The following AGRN variants were observed in gnomAD, a reference collection of about 807,000 sequenced individuals.
The protein encoded by AGRN is agrin.
AGRN carries 106 observed loss-of-function variants against 211.0 expected under a neutral mutation model. The observed-to-expected ratio is 0.50, with a 90% CI of 0.43 to 0.59. AGRN has a LOEUF of 0.59. AGRN is among the 20% of genes least tolerant of loss of function. The probability of loss-of-function intolerance (pLI) is 0.00; values close to 1 mark genes in which losing one functional copy is unlikely to be tolerated. For missense variants in AGRN, 3,040 were observed against 2,982.6 expected (o/e 1.02, Z -0.45); for synonymous variants, 1,525 against 1,332.5 (o/e 1.14, Z -3.15).
Position 1,041,530 on chromosome 1 carries a change from G to C in AGRN, c.1005G>C (p.Pro335=). Residue 335 remains proline (P), a synonymous_variant, in exon 6 of 36, where the codon CCG becomes CCC. Transcript: ENST00000379370. ...PDPSRSCRVN[P]RTRRPEMLLR... The stretch of plus-strand genomic sequence containing the variant: ...CGAGCCGCAGCTGCCGTGTGAACCC[G>C]CGCACGCGGCGCCCTGAGATGCTCC... The C allele has an allele frequency of 6.2e-7, 1 of 1,604,160 alleles. No homozygotes were observed. The highest frequency in any genetic ancestry group is 1.1e-5 in the South Asian group (1 of 90,874).
intron 2 of AGRN, among the ~76,000 whole-genome samples, chr1:1,023,103 G>C (rs1041371297): frequency 2.6e-5 from 4 of 152,178 alleles, no homozygotes; most frequent in African/African-American, 9.7e-5. Flanking sequence ...AAATATAGGA[G>C]GTCCCTGTCG....
At chr1:1,047,070 C>T (rs1019900452) in intron 19 of AGRN, 113 bp downstream of exon 19, 14 of 1,494,714 alleles carry the variant, frequency 9.4e-6, no homozygotes, top group African/African-American at 1.4e-5. Context: ...TGGGACTCGG[C>T]CCCCTCAAAC....
intron 26 of AGRN, 45 bp downstream of exon 26, chr1:1,049,840 G>T: frequency 3.1e-6 from 5 of 1,610,912 alleles, no homozygotes; most frequent in Non-Finnish European, 4.2e-6. Context: ...CCCGGGGCCT[G>T]TGGGCGGTAC....
At chr1:1,050,159 A>C (rs1417641371) in intron 27 of AGRN, 74 bp from the exon 28 acceptor site, 2 of 1,596,930 alleles carry the variant, frequency 1.3e-6, no homozygotes, top group African/African-American at 2.7e-5. Flanking sequence ...TTGAGTTAGG[A>C]TCCACACACG....
chr1:1,042,192 G>A (rs1474762052), intron 7 of AGRN, 30 bp downstream of exon 7: 1 of 1,573,082 alleles, frequency 6.4e-7, no homozygotes, highest in East Asian at 2.3e-5. Flanking sequence ...GGCCAGGCGG[G>A]GTGGGCTGCT....
At position 1,046,543 on chromosome 1, in the gene AGRN, C is replaced by T; in HGVS notation, c.3058C>T (p.Pro1020Ser). ...STAHSQTTPP[P>S]SSRPRTTASV... ...CGCACACAGCCAGACCACCCCTCCGCCCTCATCACGACCTCGGACCACTGC... is the reference window on the plus strand; with the variant it reads ...CGCACACAGCCAGACCACCCCTCCGTCCTCATCACGACCTCGGACCACTGC... Residue 1020 changes from proline (P) to serine (S), a missense_variant, in exon 18 of 36, where the codon CCC (proline) becomes TCC (serine). Coordinates refer to ENST00000379370, the MANE Select transcript of AGRN (RefSeq NM_198576.4). 6.2e-7 allele frequency: 1 copy of T among 1,610,762 alleles called. No homozygotes were observed.
rs747767031 is a variant in AGRN, at chr1:1,043,343, C to T, written c.1489C>T (p.Leu497Phe). 9 of 1,610,482 alleles carry T rather than the reference C, an allele frequency of 5.6e-6. No homozygotes were observed. The highest frequency in any genetic ancestry group is 3.4e-5 in the Admixed American group (2 of 59,506). The change falls in exon 8 of 36, where the codon CTC becomes TTC. Residue 497 changes from leucine (L) to phenylalanine (F), a missense_variant. Transcript: ENST00000379370. ...ACECLQACSS[L>F]YDPVCGSDGV... ...TGAATGCCTGCAGGCGTGCTCGAGC[C>T]TCTACGATCCTGTGTGCGGCAGCGA... is the stretch of plus-strand genomic sequence containing the variant.
rs779140262 is a variant in AGRN at position 1,048,069 on chromosome 1, C to T, written c.3809C>T (p.Thr1270Met). 87 of 1,583,368 alleles carry T rather than the reference C, an allele frequency of 5.5e-5. No individual in the cohort carries two copies. Among genetic ancestry groups the T allele is most frequent in the East Asian group, 1.4e-4 (6 of 43,646 alleles). Residue 1270 changes from threonine (T) to methionine (M), a missense_variant, in exon 23 of 36, where the codon ACG (threonine) becomes ATG (methionine). By Grantham distance (81) the Thr-to-Met change is moderately conservative. Coordinates refer to ENST00000379370, the MANE Select transcript of AGRN (RefSeq NM_198576.4). The surrounding 1 kb of genome is among the most constrained non-coding windows in gnomAD (Gnocchi z 5.9). ...ATSGAIAAGA[T>M]ARATTASRLP... ...TCAGGAGCCATTGCTGCGGGAGCCA[C>T]GGCCAGAGCCACCACTGCATCGCGC...
chr1:1,053,189 G>A (rs1213190455), intron 33 of AGRN: 2 of 308,860 alleles, frequency 6.5e-6, no homozygotes, highest in Non-Finnish European at 6.3e-6. Context: ...CTGTCTGCAC[G>A]TGGGTGTCTG....
rs763826900 is a variant in AGRN at position 1,043,442 on chromosome 1, C to T, written c.1588C>T (p.Arg530Cys). ...CTLGREIQVA[R>C]KGPCDRCGQC... ...CCTCGGGCGGGAGATCCAGGTGGCG[C>T]GCAAAGGACCCTGTGGTCAGTGGCG... The change falls in exon 8 of 36, where the codon CGC becomes TGC. Residue 530 changes from arginine to cysteine, a missense_variant. By Grantham distance (180) the Arg-to-Cys change is radical (BLOSUM62 -3). This residue lies in a region of AGRN where 1,498 missense variants were observed against 1,457.8 expected (regional missense o/e 1.03). Transcript: ENST00000379370. 7 of 1,606,334 alleles carry T rather than the reference C, an allele frequency of 4.4e-6. No individual in the cohort carries two copies. The highest frequency in any genetic ancestry group is 2.2e-5 in the South Asian group (2 of 90,762).
chr1:1,045,452 G>A lies in AGRN; in HGVS notation c.2465G>A (p.Arg822Lys). 1 of 1,612,796 alleles carries A rather than the reference G, an allele frequency of 6.2e-7. No individual in the cohort carries two copies. The highest frequency in any genetic ancestry group is 8.5e-7 in the Non-Finnish European group (1 of 1,179,948). The stretch of plus-strand genomic sequence containing the variant: ...TGCCGCCCAGGTGTGGGGGGCCTCA[G>A]GTGTGACCGCTGTGAGCCTGGCTTC... Reference protein sequence around the residue: ...CSCRPGVGGLRCDRCEPGFWN... With the variant: ...CSCRPGVGGLKCDRCEPGFWN... The change falls in exon 14 of 36, where the codon AGG (arginine) becomes AAG (lysine). Residue 822 changes from arginine (R) to lysine (K), a missense_variant. By Grantham distance (26) the Arg-to-Lys change is conservative. Around this residue, in one of 3 missense-constraint regions of AGRN, gnomAD observed 1,498 missense variants for 1,457.8 expected, o/e 1.03. Transcript: ENST00000379370.
Position 1,043,416 on chromosome 1 carries a change from C to A in AGRN, c.1562C>A (p.Thr521Asn). Residue 521 changes from threonine to asparagine, a missense_variant, in exon 8 of 36, where the codon ACC (threonine) becomes AAC (asparagine). Thr to Asn is a moderately conservative substitution (Grantham distance 65). Coordinates refer to ENST00000379370, the MANE Select transcript of AGRN (RefSeq NM_198576.4). ...SACELEATAC[T>N]LGREIQVARK... ...TGCGAGCTGGAGGCCACGGCCTGTA[C>A]CCTCGGGCGGGAGATCCAGGTGGCG... is the stretch of plus-strand genomic sequence containing the variant. The A allele has an allele frequency of 6.2e-7, 1 of 1,607,580 alleles. No individual in the cohort carries two copies. The highest frequency in any genetic ancestry group is 8.5e-7 in the Non-Finnish European group (1 of 1,178,198).
chr1:1,051,632 G>T lies in AGRN; in HGVS notation c.5550G>T (p.Pro1850=), dbSNP rs74045090. The T allele has an allele frequency of 1.2e-6, 2 of 1,611,120 alleles. No homozygotes were observed. The highest frequency in any genetic ancestry group is 1.1e-5 in the South Asian group (1 of 90,924). Residue 1850 remains proline (P), a synonymous_variant, in exon 32 of 36, where the codon CCG becomes CCT. Coordinates refer to ENST00000379370, the MANE Select transcript of AGRN (RefSeq NM_198576.4). ...VCLCPGGFSG[P]HCEKGLVEKS... is the part of the protein sequence containing the mutation. ...TGTGTCCCGGGGGATTCTCAGGACCGCACTGCGAGAAGGGTGAGCCTGGCA... is the reference window on the plus strand; with the variant it reads ...TGTGTCCCGGGGGATTCTCAGGACCTCACTGCGAGAAGGGTGAGCCTGGCA...
Position 1,050,054 on chromosome 1 carries a change from T to G in AGRN, c.4879+17T>G. 3.5e-6 allele frequency: 3 copies of G among 859,986 alleles called. No homozygotes were observed. The highest frequency in any genetic ancestry group is 5.2e-6 in the Non-Finnish European group (3 of 578,166). The allele number at this position is 859,986 out of a possible 1,614,324, so 53.3% of individuals were successfully genotyped here. A position where few individuals can be genotyped will look rare whatever the true frequency, so the allele number is the denominator to read the frequency against. Reference sequence around the variant, plus strand: ...GCCAGACAGGTCGGGGGCGTGGGGCTCTCGGGGCAGGGGGGGGGGGGGGGT... The same window carrying G: ...GCCAGACAGGTCGGGGGCGTGGGGCGCTCGGGGCAGGGGGGGGGGGGGGGT... On this transcript the variant is annotated intron_variant, in intron 27 of 35. Transcript: ENST00000379370.
Position 1,043,867 on chromosome 1 carries a change from G to A in AGRN, c.1843G>A (p.Ala615Thr), listed in dbSNP as rs762357955. The A allele has an allele frequency of 8.1e-6, 13 of 1,611,336 alleles. No homozygotes were observed. The highest frequency in any genetic ancestry group is 4.5e-5 in the East Asian group (2 of 44,822). Residue 615 changes from alanine (A) to threonine (T), a missense_variant, in exon 10 of 36, where the codon GCA (alanine) becomes ACA (threonine). This residue lies in a region of AGRN where 1,498 missense variants were observed against 1,457.8 expected (regional missense o/e 1.03). Transcript: ENST00000379370. ...GTGTGCTTTTGGGGCTGTGTGCTCC[G>A]CAGGGCAGTGTGTGTGTCCCCGGTG... ...AVCAFGAVCSAGQCVCPRCEH... is the reference protein window; with the variant it reads ...AVCAFGAVCSTGQCVCPRCEH...
intron 24 of AGRN, 84 bp from the exon 25 acceptor site, chr1:1,049,152 G>A: frequency 3.8e-6 from 5 of 1,330,466 alleles, no homozygotes; most frequent in Non-Finnish European, 4.9e-6. Context: ...GGTGGGTGGG[G>A]TGGGGACGGG....
chr1:1,040,886 CGGGGCGGGGCCGGTGCCTGGGGCGGGGA>C lies in AGRN; in HGVS notation c.727+18_727+45del, dbSNP rs1256302391. On this transcript the variant is annotated splice_region_variant and intron_variant, in intron 4 of 35. Transcript: ENST00000379370. ...GCTCAGCCGCGGGCCGTGCGGTGAG[CGGGGCGGGGCCGGTGCCTGGGGCGGGGA>C]GGGGCGGGGCCTATGAGATGGAGCG... The C allele has an allele frequency of 8.8e-6, 12 of 1,359,152 alleles. No homozygotes were observed. The highest frequency in any genetic ancestry group is 5.3e-5 in the Admixed American group (2 of 38,088). 84.2% of individuals were successfully genotyped at this position (1,359,152 alleles called of 1,614,324 possible).
intron 13 of AGRN, 29 bp from the exon 14 acceptor site, chr1:1,045,330 C>T (rs750494755): frequency 2.0e-5 from 32 of 1,612,058 alleles, no homozygotes; most frequent in East Asian, 1.8e-4. Flanking sequence ...TGTGCGGCCA[C>T]GTGACCTTGT....
chr1:1,021,612 GGC>G (rs1644408051), intron 1 of AGRN, among the ~76,000 whole-genome samples: 1 of 152,256 alleles, frequency 6.6e-6, no homozygotes, highest in Non-Finnish European at 1.5e-5. Context: ...CTTTACCACA[GGC>G]CACCGTCAGA....
Sources: allele counts gnomAD v4.1 joint callset (sites outside exome capture counted in the v4.1 genomes callset), GRCh38; gene constraint gnomAD v4.1.1; regional missense constraint gnomAD v4.1.1; non-coding constraint Gnocchi (gnomAD v3.1); transcripts MANE v1.5; gene names NCBI Gene and HGNC (gene_info 2026-07-23, HGNC 2026-07-21).